SELENOO: variants seen among roughly 807,000 people sequenced by gnomAD.
SELENOO encodes the protein selenoprotein O.
In SELENOO, 74 loss-of-function variants were observed where a neutral mutation model predicts 58.7. That is an observed-to-expected ratio of 1.26 (90% CI 1.04 to 1.53). The LOEUF is 1.53. Among genes scored for constraint, SELENOO ranks in the 40% most tolerant of loss-of-function variants. The pLI is 0.00. For missense variants in SELENOO, 1,149 were observed against 970.0 expected, an observed-to-expected ratio of 1.18 and a Z score of -2.45; for synonymous variants, 543 against 453.2, an observed-to-expected ratio of 1.20 and a Z score of -2.52.
At chr22:50,205,098 G>A (rs1477399518) in intron 1 of SELENOO, among the ~76,000 whole-genome samples, 2 of 152,224 alleles carry the variant, frequency 1.3e-5, no homozygotes, top group Admixed American at 1.3e-4. Context: ...TAGAGGAATC[G>A]GGAGCCAGTG....
At position 50,201,408 on chromosome 22, in the gene SELENOO, C is replaced by A. The variant is rs1333461575; in HGVS notation, c.372C>A (p.Phe124Leu). Reference protein sequence around the residue: ...REAEAEAALFFSGNALLPGAE... With the variant: ...REAEAEAALFLSGNALLPGAE... Reference sequence around the variant, plus strand: ...CCGAGGCCGAGGCCGCGCTGTTCTTCAGCGGCAACGCGCTCCTGCCGGGCG... The same window carrying A: ...CCGAGGCCGAGGCCGCGCTGTTCTTAAGCGGCAACGCGCTCCTGCCGGGCG... Residue 124 changes from phenylalanine (F) to leucine (L), a missense_variant, in exon 1 of 9, where the codon TTC becomes TTA. Phe to Leu is a conservative substitution (Grantham distance 22). Coordinates refer to ENST00000380903, the MANE Select transcript of SELENOO (RefSeq NM_031454.2). 3.0e-6 allele frequency: 4 copies of A among 1,339,966 alleles called. No individual in the cohort carries two copies. The highest frequency in any genetic ancestry group is 2.8e-4 in the Middle Eastern group (1 of 3,598). 83.0% of individuals were successfully genotyped at this position (1,339,966 alleles called of 1,614,324 possible). A position where few individuals can be genotyped will look rare whatever the true frequency, so the allele number is the denominator to read the frequency against.
At position 50,201,576 on chromosome 22, in the gene SELENOO, C is replaced by T; in HGVS notation, c.540C>T (p.Pro180=). The T allele has an allele frequency of 1.5e-6, 2 of 1,335,774 alleles. No individual in the cohort carries two copies. Among genetic ancestry groups the T allele is most frequent in the South Asian group, 1.8e-5 (1 of 56,680 alleles). The allele number at this position is 1,335,774 out of a possible 1,614,324, so 82.7% of individuals were successfully genotyped here. The change falls in exon 1 of 9, where the codon CCC becomes CCT. Residue 180 remains proline, a synonymous_variant. Transcript: ENST00000380903. ...RWELQLKGAG[P]TPFSRQADGR... is the part of the protein sequence containing the mutation. ...AGCTGCAGCTCAAGGGCGCCGGGCC[C>T]ACGCCCTTCTCCAGGTGGGCCGGGG... is the stretch of plus-strand genomic sequence containing the variant.
At position 50,201,489 on chromosome 22, in the gene SELENOO, GC is replaced by G. The variant is rs2064300310; in HGVS notation, c.454del (p.Leu152TrpfsTer96). ...GHQFGQFAGQ[L>X]GDGAAMYLGE... ...ACCAATTCGGCCAGTTCGCCGGGCA[GC>G]TGGGCGACGGCGCCGCCATGTACCT... On this transcript the variant is annotated frameshift_variant, in exon 1 of 9. Coordinates refer to ENST00000380903, the MANE Select transcript of SELENOO (RefSeq NM_031454.2). LOFTEE classifies it high-confidence loss of function. 7 of 1,425,164 alleles carry G rather than the reference GC, an allele frequency of 4.9e-6. No individual in the cohort carries two copies. The highest frequency in any genetic ancestry group is 5.2e-5 in the Admixed American group (2 of 38,532). The allele number at this position is 1,425,164 out of a possible 1,614,324, so 88.3% of individuals were successfully genotyped here.
rs568589998 is a variant in SELENOO, at chr22:50,217,264, A to G, written c.1905A>G (p.Thr635=). The change falls in exon 9 of 9, where the codon ACA becomes ACG. Residue 635 remains threonine, a synonymous_variant. Coordinates refer to ENST00000380903, the MANE Select transcript of SELENOO (RefSeq NM_031454.2). ...TPYHCEAGAA[T]DAEATEADGA... The stretch of plus-strand genomic sequence containing the variant: ...ACCACTGCGAGGCGGGGGCCGCCAC[A>G]GACGCCGAGGCCACGGAAGCCGACG... 11 of 1,611,932 alleles carry G rather than the reference A, an allele frequency of 6.8e-6. No homozygotes were observed. Among genetic ancestry groups the G allele is most frequent in the Non-Finnish European group, 7.6e-6 (9 of 1,179,580 alleles).
intron 4 of SELENOO, 50 bp from the exon 5 acceptor site, chr22:50,210,581 C>T: frequency 1.2e-6 from 2 of 1,611,244 alleles, no homozygotes; most frequent in Non-Finnish European, 1.7e-6. Context: ...GCACCATCTC[C>T]CGGGAACTTC....
chr22:50,209,794 G>GC (rs1292138813), intron 3 of SELENOO, among the ~76,000 whole-genome samples: 1 of 152,084 alleles, frequency 6.6e-6, no homozygotes, highest in Non-Finnish European at 1.5e-5. Context: ...TGTCTGGTTG[G>GC]GGGGGGCCAG....
At chr22:50,215,637 G>GGGGGGT (rs1243263283) in intron 5 of SELENOO, 80 bp from the exon 6 acceptor site, 1 of 154,038 alleles carries the variant, frequency 6.5e-6, no homozygotes, top group Non-Finnish European at 8.3e-6. Context: ...CAGGGGGGTG[G>GGGGGGT]GGGGGGGGGG....
chr22:50,205,206 C>G (rs2064325564), intron 1 of SELENOO, among the ~76,000 whole-genome samples: 1 of 78,684 alleles, frequency 1.3e-5, no homozygotes, highest in Non-Finnish European at 2.6e-5. Flanking sequence ...TTCAGTTTCA[C>G]AAGACAGATT....
In SELENOO at chr22:50,215,703, A is replaced by G. The variant is rs1965932887; in HGVS notation, c.1352-14A>G. ...GCCTTCTGCTTCCAGCTCCCTGAGC[A>G]GCCTGTGTTCCAGGTGCCGACTTCA... On this transcript the variant is annotated splice_polypyrimidine_tract_variant and intron_variant, in intron 5 of 8. Coordinates refer to ENST00000380903, the MANE Select transcript of SELENOO (RefSeq NM_031454.2). 6.4e-7 allele frequency: 1 copy of G among 1,566,384 alleles called. No homozygotes were observed. Among genetic ancestry groups the G allele is most frequent in the African/African-American group, 1.4e-5 (1 of 73,732 alleles).
At position 50,201,412 on chromosome 22, in the gene SELENOO, G is replaced by C. The variant is rs755870385; in HGVS notation, c.376G>C (p.Gly126Arg). ...AEAEAALFFSGNALLPGAEPA... is the reference protein window; with the variant it reads ...AEAEAALFFSRNALLPGAEPA... ...GGCCGAGGCCGCGCTGTTCTTCAGC[G>C]GCAACGCGCTCCTGCCGGGCGCCGA... Residue 126 changes from glycine (G) to arginine (R), a missense_variant, in exon 1 of 9, where the codon GGC becomes CGC. Coordinates refer to ENST00000380903, the MANE Select transcript of SELENOO (RefSeq NM_031454.2). 2.2e-6 allele frequency: 3 copies of C among 1,344,510 alleles called. No individual in the cohort carries two copies. The South Asian group carries it at 5.0e-5, about 22-fold the overall frequency. The allele number at this position is 1,344,510 out of a possible 1,614,324, so 83.3% of individuals were successfully genotyped here.
At chr22:50,210,565 G>C (rs1377846188) in intron 4 of SELENOO, 66 bp from the exon 5 acceptor site, 2 of 1,606,340 alleles carry the variant, frequency 1.2e-6, no homozygotes, top group African/African-American at 2.7e-5. Context: ...CCCCTCCAGG[G>C]TGGCTGCACC....
rs1027685881 is a variant in SELENOO at position 50,201,403 on chromosome 22, T to A, written c.367T>A (p.Phe123Ile). 1.1e-5 allele frequency: 14 copies of A among 1,331,082 alleles called. No homozygotes were observed. The highest frequency in any genetic ancestry group is 1.4e-5 in the Non-Finnish European group (14 of 1,036,094). The allele number at this position is 1,331,082 out of a possible 1,614,324, so 82.5% of individuals were successfully genotyped here. Reference sequence around the variant, plus strand: ...CGAGGCCGAGGCCGAGGCCGCGCTGTTCTTCAGCGGCAACGCGCTCCTGCC... The same window carrying A: ...CGAGGCCGAGGCCGAGGCCGCGCTGATCTTCAGCGGCAACGCGCTCCTGCC... ...AREAEAEAALFFSGNALLPGA... is the reference protein window; with the variant it reads ...AREAEAEAALIFSGNALLPGA... The change falls in exon 1 of 9, where the codon TTC (phenylalanine) becomes ATC (isoleucine). Residue 123 changes from phenylalanine (F) to isoleucine (I), a missense_variant. Physicochemically the swap from Phe to Ile is conservative, Grantham distance 21 (BLOSUM62 0). Transcript: ENST00000380903.
rs373756843 is a variant in SELENOO at position 50,217,351 on chromosome 22, C to T, written c.1992C>T (p.Cys664=). ...CCCCGCTCTGGGCAGCAGAACTGTG[C>T]GTGACATGATCTTCGTAACGGCCTC... ...SKPPLWAAEL[C]VTUSS Residue 664 remains cysteine, a synonymous_variant, in exon 9 of 9, where the codon TGC becomes TGT. Transcript: ENST00000380903. The T allele has an allele frequency of 1.2e-5, 19 of 1,612,670 alleles. No individual in the cohort carries two copies. Among genetic ancestry groups the T allele is most frequent in the Middle Eastern group, 1.6e-4 (1 of 6,084 alleles).
chr22:50,203,593 A>T (rs746424426), intron 1 of SELENOO, among the ~76,000 whole-genome samples: 4 of 152,252 alleles, frequency 2.6e-5, no homozygotes, highest in Admixed American at 1.3e-4. Flanking sequence ...CAAATTTTCA[A>T]CAAGTGTGCT....
rs1255847532 is a variant in SELENOO, at chr22:50,215,770, G to C, written c.1405G>C (p.Glu469Gln). 1.1e-5 allele frequency: 18 copies of C among 1,612,024 alleles called. No individual in the cohort carries two copies. Among genetic ancestry groups the C allele is most frequent in the Non-Finnish European group, 1.5e-5 (18 of 1,178,840 alleles). The change falls in exon 6 of 9, where the codon GAG becomes CAG. Residue 469 changes from glutamate to glutamine, a missense_variant. Glu to Gln is a conservative substitution (Grantham distance 29, BLOSUM62 2). Coordinates refer to ENST00000380903, the MANE Select transcript of SELENOO (RefSeq NM_031454.2). Reference protein sequence around the residue: ...YLLSSFPVELESPGLAEFLAR... With the variant: ...YLLSSFPVELQSPGLAEFLAR... The stretch of plus-strand genomic sequence containing the variant: ...GCTGAGCTCCTTCCCAGTGGAGCTA[G>C]AGTCGCCAGGCCTGGCGGAATTCCT...
At chr22:50,206,049 G>A (rs570752851) in intron 1 of SELENOO, 10 of 542,190 alleles carry the variant, frequency 1.8e-5, no homozygotes, top group African/African-American at 7.6e-5. Context: ...CGGAACCCTC[G>A]TTCTGGGCAG....
At chr22:50,214,041 A>G (rs530986714) in intron 5 of SELENOO, among the ~76,000 whole-genome samples, 3 of 152,312 alleles carry the variant, frequency 2.0e-5, no homozygotes, top group Non-Finnish European at 2.9e-5. Flanking sequence ...CATTCTGCCA[A>G]CGTTTACATT....
chr22:50,213,369 T>C (rs966155220), intron 5 of SELENOO, among the ~76,000 whole-genome samples: 1 of 152,114 alleles, frequency 6.6e-6, no homozygotes, highest in African/African-American at 2.4e-5. Flanking sequence ...TGTGTTGTGT[T>C]TTTAAGTGAT....
chr22:50,208,514 A>C (rs2064347158), intron 2 of SELENOO, 22 bp from the exon 3 acceptor site: 1 of 1,606,112 alleles, frequency 6.2e-7, no homozygotes, highest in Non-Finnish European at 8.5e-7. Context: ...TGGGCTGTTG[A>C]CGCCTCGGGT....
Sources: allele counts gnomAD v4.1 joint callset (sites outside exome capture counted in the v4.1 genomes callset), GRCh38; gene constraint gnomAD v4.1.1; transcripts MANE v1.5; gene names NCBI Gene and HGNC (gene_info 2026-07-23, HGNC 2026-07-21).